ARMH1: variants seen among roughly 807,000 people sequenced by gnomAD.
ARMH1 encodes armadillo-like helical domain containing protein 1.
Under a neutral mutation model 50.2 loss-of-function variants are expected in ARMH1, and 34 were observed. The observed-to-expected ratio is 0.68, with a 90% CI of 0.51 to 0.90. ARMH1 has a LOEUF of 0.90. Ranked by LOEUF, ARMH1 falls within the 40% of genes least tolerant of loss-of-function variation. The pLI is 0.00. For missense variants in ARMH1, 538 were observed against 553.9 expected, an observed-to-expected ratio of 0.97 and a Z score of 0.29; for synonymous variants, 221 against 224.2, an observed-to-expected ratio of 0.99 and a Z score of 0.13.
At chr1:44,699,283 CAAAAAAAAAA>C (rs75158327) in intron 4 of ARMH1, among the ~76,000 whole-genome samples, 2 of 42,576 alleles carry the variant, frequency 4.7e-5, no homozygotes, top group Admixed American at 2.3e-4. Flanking sequence ...GACTCCGTCT[CAAAAAAAAAA>C]AAAAAAAAAA....
chr1:44,691,592 G>A (rs1213228607), intron 2 of ARMH1, among the ~76,000 whole-genome samples: 1 of 151,952 alleles, frequency 6.6e-6, no homozygotes, highest in Admixed American at 6.6e-5. Context: ...TTCCATCCTC[G>A]TCCCTCTTCT....
chr1:44,723,418 A>T (rs1647699122), intron 6 of ARMH1, among the ~76,000 whole-genome samples: 1 of 152,160 alleles, frequency 6.6e-6, no homozygotes, highest in Admixed American at 6.5e-5. Context: ...CTGCCTGTAA[A>T]ATATCTACAG....
chr1:44,724,157 G>A lies in ARMH1; in HGVS notation c.760G>A (p.Val254Met), dbSNP rs1647855302. 1.3e-6 allele frequency: 2 copies of A among 1,551,602 alleles called. No homozygotes were observed. The highest frequency in any genetic ancestry group is 1.4e-5 in the African/African-American group (1 of 73,060). ...GATCAAAGACCTGGTCGGTTACGAT[G>A]TGCGCCAGGCGCTGCTCAAGGGCCT... ...ELIKDLVGYD[V>M]RQALLKGLVA... Residue 254 changes from valine to methionine, a missense_variant, in exon 7 of 12, where the codon GTG becomes ATG. By Grantham distance (21) the Val-to-Met change is conservative. Coordinates refer to ENST00000535358, the MANE Select transcript of ARMH1 (RefSeq NM_001145636.2). This position sits in a 1 kb window ranked among gnomAD's most constrained non-coding sequence, Gnocchi z 6.4.
intron 6 of ARMH1, among the ~76,000 whole-genome samples, chr1:44,714,323 T>C (rs1017697561): frequency 6.7e-6 from 1 of 149,028 alleles, no homozygotes; most frequent in African/African-American, 2.5e-5. Context: ...TGGTGGCTCA[T>C]GCCTGTAATC....
chr1:44,710,481 C>T (rs1012437395), intron 6 of ARMH1, among the ~76,000 whole-genome samples: 5 of 151,620 alleles, frequency 3.3e-5, no homozygotes, highest in East Asian at 1.9e-4. Context: ...TGGTGGTGGG[C>T]GCCTGTAGTC....
At chr1:44,675,547 CAGCTACTTGGAA>C (rs1645109074) in intron 1 of ARMH1, among the ~76,000 whole-genome samples, 1 of 152,190 alleles carries the variant, frequency 6.6e-6, no homozygotes, top group African/African-American at 2.4e-5. Context: ...CCTGAAGTCC[CAGCTACTTGGAA>C]AGCTGAGGTG....
intron 6 of ARMH1, among the ~76,000 whole-genome samples, chr1:44,708,952 T>C (rs370570445): frequency 2.0e-5 from 3 of 152,284 alleles, no homozygotes; most frequent in East Asian, 3.9e-4. Context: ...ATGCTCTCTA[T>C]CTTCCATTGT....
Position 44,724,441 on chromosome 1 carries a change from C to A in ARMH1, c.920+49C>A. ...TAGCTGCAGCAAGCCTGGCTTGGCG[C>A]TGCCGGCGGGCCCCGGGAGCGCTCC... On this transcript the variant is annotated intron_variant, in intron 8 of 11. Transcript: ENST00000535358. This position sits in a 1 kb window ranked among gnomAD's most constrained non-coding sequence, Gnocchi z 6.4. 1 of 1,537,216 alleles carries A rather than the reference C, an allele frequency of 6.5e-7. No homozygotes were observed.
intron 2 of ARMH1, among the ~76,000 whole-genome samples, chr1:44,694,184 A>T (rs1340000644): frequency 6.6e-6 from 1 of 152,228 alleles, no homozygotes; most frequent in African/African-American, 2.4e-5. Context: ...AGTGTTCTAC[A>T]CCTAGAATTA....
intron 6 of ARMH1, among the ~76,000 whole-genome samples, chr1:44,714,673 T>C (rs1646773493): frequency 6.6e-6 from 1 of 152,114 alleles, no homozygotes; most frequent in Non-Finnish European, 1.5e-5. Context: ...CACTGGTCTC[T>C]TCCTTTTTTC....
rs1645379521 is a variant in ARMH1 at position 44,683,605 on chromosome 1, G to A, written c.-22-6071G>A. Among the ~76,000 whole-genome samples, 1 of 152,192 alleles carries A rather than the reference G, an allele frequency of 6.6e-6. No homozygotes were observed. The highest frequency in any genetic ancestry group is 2.1e-4 in the South Asian group (1 of 4,822). On this transcript the variant is annotated intron_variant, in intron 1 of 11. Coordinates refer to ENST00000535358, the MANE Select transcript of ARMH1 (RefSeq NM_001145636.2). The surrounding 1 kb of genome is among the most constrained non-coding windows in gnomAD (Gnocchi z 4.2). Reference sequence around the variant, plus strand: ...TCAGAGAGACCAAGCACGCTGGGACGGTGAGCTAAACCACTAAATCTGACA... The same window carrying A: ...TCAGAGAGACCAAGCACGCTGGGACAGTGAGCTAAACCACTAAATCTGACA...
At position 44,682,203 on chromosome 1, in the gene ARMH1, C is replaced by T. The variant is rs558347940; in HGVS notation, c.-23+7330C>T. Among the ~76,000 whole-genome samples the T allele has an allele frequency of 1.3e-5, 2 of 152,292 alleles. No individual in the cohort carries two copies. Among genetic ancestry groups the T allele is most frequent in the South Asian group, 2.1e-4 (1 of 4,828 alleles). On this transcript the variant is annotated intron_variant, in intron 1 of 11. Transcript: ENST00000535358. The surrounding 1 kb of genome is among the most constrained non-coding windows in gnomAD (Gnocchi z 4.5). ...AGTTTAAATAACACTTATTGAGTGC[C>T]TGTGTTTTACCAGAGACCCTGCTAG...
chr1:44,687,093 A>G (rs1200951851), intron 1 of ARMH1, among the ~76,000 whole-genome samples: 2 of 152,342 alleles, frequency 1.3e-5, no homozygotes, highest in East Asian at 1.9e-4. Flanking sequence ...TATAGACTAG[A>G]TAACTTAAAT....
At chr1:44,719,652 T>C (rs1450567146) in intron 6 of ARMH1, among the ~76,000 whole-genome samples, 1 of 152,242 alleles carries the variant, frequency 6.6e-6, no homozygotes, top group Admixed American at 6.5e-5. Context: ...AGGCAGCATA[T>C]GTCTGTTTGG....
At chr1:44,690,112 A>G (rs1446261155) in intron 2 of ARMH1, among the ~76,000 whole-genome samples, 2 of 151,980 alleles carry the variant, frequency 1.3e-5, no homozygotes, top group African/African-American at 4.8e-5. Flanking sequence ...CAACTACTCA[A>G]GAGGCTGAGG....
intron 6 of ARMH1, among the ~76,000 whole-genome samples, chr1:44,717,035 G>C (rs758525196): frequency 6.6e-6 from 1 of 151,938 alleles, no homozygotes; most frequent in African/African-American, 2.4e-5. Flanking sequence ...AGTTTTAGTA[G>C]AGACGGGGTT....
At chr1:44,708,155 C>T (rs1646428510) in intron 6 of ARMH1, among the ~76,000 whole-genome samples, 1 of 152,220 alleles carries the variant, frequency 6.6e-6, no homozygotes, top group Admixed American at 6.5e-5. Flanking sequence ...CACTGAAACT[C>T]CGCCCGAGGG....
intron 2 of ARMH1, among the ~76,000 whole-genome samples, chr1:44,694,960 T>C (rs1304147202): frequency 6.6e-6 from 1 of 152,204 alleles, no homozygotes; most frequent in African/African-American, 2.4e-5. Flanking sequence ...TTGAGTAATT[T>C]ACTAGCACAT....
rs968134749 is a variant in ARMH1, at chr1:44,723,874, C to T, written c.725-248C>T. 1.9e-5 allele frequency: 9 copies of T among 467,400 alleles called. No individual in the cohort carries two copies. The East Asian group carries it at 3.0e-4, about 16-fold the overall frequency. The allele number at this position is 467,400 out of a possible 1,614,324, so 29.0% of individuals were successfully genotyped here. A position where few individuals can be genotyped will look rare whatever the true frequency, so the allele number is the denominator to read the frequency against. On this transcript the variant is annotated intron_variant, in intron 6 of 11. Transcript: ENST00000535358. The stretch of plus-strand genomic sequence containing the variant: ...AGGCCCCCCTCTCTGGGGTCTCAGC[C>T]TCCAGCGCTGACATCCTAGGCCGCC...
Sources: allele counts gnomAD v4.1 joint callset (sites outside exome capture counted in the v4.1 genomes callset), GRCh38; gene constraint gnomAD v4.1.1; non-coding constraint Gnocchi (gnomAD v3.1); transcripts MANE v1.5; gene names NCBI Gene and HGNC (gene_info 2026-07-23, HGNC 2026-07-21).